ANKFY1: variants seen among roughly 807,000 people sequenced by gnomAD.
ANKFY1 encodes ankyrin repeat and FYVE domain containing 1, also known as ankyrin repeat and FYVE domain-containing protein 1.
Under a neutral mutation model 128.3 loss-of-function variants are expected in ANKFY1, and 47 were observed. The ratio of observed to expected loss-of-function variants is 0.37; its 90% CI spans 0.29 to 0.47. The LOEUF (loss-of-function observed/expected upper bound fraction) is 0.47. Ranked by LOEUF, ANKFY1 falls within the 20% of genes least tolerant of loss-of-function variation. The pLI, the probability that ANKFY1 is intolerant of heterozygous loss-of-function variation, is 1.00. For synonymous variants in ANKFY1, 553 were observed against 601.6 expected (o/e 0.92, Z 1.18); for missense variants, 1,222 against 1,510.6 (o/e 0.81, Z 3.17).
intron 2 of ANKFY1, among the ~76,000 whole-genome samples, chr17:4,239,319 G>A (rs1473036257): frequency 6.6e-6 from 1 of 152,128 alleles, no homozygotes; most frequent in Admixed American, 6.5e-5. Flanking sequence ...GCTTCCCTGG[G>A]CCAGTAAGAA....
At chr17:4,207,823 C>T (rs1045567039) in intron 6 of ANKFY1, 110 bp downstream of exon 6, 3 of 1,109,780 alleles carry the variant, frequency 2.7e-6, no homozygotes, top group Admixed American at 5.8e-5. Context: ...GAAATCCGTA[C>T]GTTAAAGACT....
At chr17:4,198,376 AT>A (rs777969741) in intron 7 of ANKFY1, among the ~76,000 whole-genome samples, 119 of 143,410 alleles carry the variant, frequency 8.3e-4, no homozygotes, top group South Asian at 2.4e-3. Context: ...TTCTTTTTAG[AT>A]TTTTTTTTTT....
At chr17:4,209,313 G>T (rs183266919) in intron 5 of ANKFY1, among the ~76,000 whole-genome samples, 1 of 152,152 alleles carries the variant, frequency 6.6e-6, no homozygotes, top group East Asian at 1.9e-4. Context: ...TTTTTTGGGG[G>T]GGCGGGAGAC....
intron 8 of ANKFY1, among the ~76,000 whole-genome samples, chr17:4,195,840 T>A (rs990489796): frequency 1.3e-5 from 2 of 151,866 alleles, no homozygotes; most frequent in Non-Finnish European, 2.9e-5. Flanking sequence ...TCCCCCATAA[T>A]CTTCTATTCT....
At chr17:4,222,189 C>T (rs1480147457) in intron 3 of ANKFY1, 2 of 164,942 alleles carry the variant, frequency 1.2e-5, no homozygotes, top group African/African-American at 4.9e-5. Context: ...TGCTGCTACC[C>T]CTGCTGCCCG....
intron 19 of ANKFY1, among the ~76,000 whole-genome samples, chr17:4,174,400 A>T (rs2059377107): frequency 6.6e-6 from 1 of 152,192 alleles, no homozygotes; most frequent in Admixed American, 6.5e-5. Flanking sequence ...GAAAGCCTGA[A>T]GGCAAAGGGG....
rs76861806 is a variant in ANKFY1, at chr17:4,179,083, T to C, written c.2398-26A>G. The C allele has an allele frequency of 9.3e-4, 1,490 of 1,609,650 alleles. 11 individuals are homozygous for C. The African/African-American group carries it at 0.018, about 19-fold the overall frequency. On this transcript the variant is annotated intron_variant, in intron 17 of 24. Transcript: ENST00000341657. ...CTATGGAACAAGGCACAGAATTTAA[T>C]GTTCAATTGCAAGATAAAACTCAGG...
Position 4,197,398 on chromosome 17 carries a change from G to C in ANKFY1, c.1078C>G (p.Pro360Ala). 2 of 1,614,144 alleles carry C rather than the reference G, an allele frequency of 1.2e-6. No individual in the cohort carries two copies. Among genetic ancestry groups the C allele is most frequent in the Non-Finnish European group, 8.5e-7 (1 of 1,180,026 alleles). ...CTCCCCTTGCTGTCCTGCATGTTGG[G>C]GTTGGCACCAGCCTGCAGAAGGGCC... is the stretch of plus-strand genomic sequence containing the variant. ...AEALLQAGAN[P>A]NMQDSKGRTP... Residue 360 changes from proline (P) to alanine (A), a missense_variant, in exon 8 of 25, where the codon CCC becomes GCC. By Grantham distance (27) the Pro-to-Ala change is conservative. Coordinates refer to ENST00000341657, the MANE Select transcript of ANKFY1 (RefSeq NM_001330063.2).
chr17:4,199,531 A>G (rs2059888945), intron 7 of ANKFY1, among the ~76,000 whole-genome samples: 1 of 152,162 alleles, frequency 6.6e-6, no homozygotes, highest in Non-Finnish European at 1.5e-5. Context: ...ACCATCTTTG[A>G]CTATTTATGC....
intron 3 of ANKFY1, among the ~76,000 whole-genome samples, chr17:4,230,525 TATA>T (rs2060497142): frequency 6.6e-6 from 1 of 152,222 alleles, no homozygotes. Flanking sequence ...AAGAAGTAAA[TATA>T]ATACTTTCCT....
intron 1 of ANKFY1, among the ~76,000 whole-genome samples, chr17:4,258,430 T>A (rs956965678): frequency 1.3e-5 from 2 of 148,984 alleles, no homozygotes; most frequent in Non-Finnish European, 3.0e-5. Context: ...GAGGCTGAGA[T>A]AGGAGAATGG....
chr17:4,193,817 T>C (rs2059762692), intron 10 of ANKFY1, among the ~76,000 whole-genome samples: 1 of 151,484 alleles, frequency 6.6e-6, no homozygotes, highest in Non-Finnish European at 1.5e-5. Context: ...TGGAGTGCAG[T>C]GACGCGATCT....
intron 1 of ANKFY1, among the ~76,000 whole-genome samples, chr17:4,255,828 T>C (rs1269271634): frequency 6.6e-6 from 1 of 151,958 alleles, no homozygotes; most frequent in Non-Finnish European, 1.5e-5. Context: ...TTTTTTTTTT[T>C]TCTTTTGAAA....
At chr17:4,259,062 C>T (rs879328343) in intron 1 of ANKFY1, among the ~76,000 whole-genome samples, 1 of 152,156 alleles carries the variant, frequency 6.6e-6, no homozygotes, top group South Asian at 2.1e-4. Context: ...AAGCATCAGT[C>T]GCTGTGGAAG....
At chr17:4,186,834 C>T in intron 11 of ANKFY1, 9 of 999,090 alleles carry the variant, frequency 9.0e-6, no homozygotes, top group Non-Finnish European at 1.1e-5. Context: ...GACTCTCAAA[C>T]CCAGGTCTCC....
Position 4,242,258 on chromosome 17 carries a change from G to C in ANKFY1, c.201C>G (p.Tyr67Ter). The C allele has an allele frequency of 6.3e-7, 1 of 1,574,834 alleles. No individual in the cohort carries two copies. Among genetic ancestry groups the C allele is most frequent in the Non-Finnish European group, 8.6e-7 (1 of 1,165,548 alleles). ...IVADLYEQEQ[Y>*]SDLKIKVGDR... ...TCTGTGTCTAGGAGCTCTCCCACCT[G>C]TACTGCTCCTGCTCGTAGAGGTCTG... The change falls in exon 2 of 25, where the codon TAC (tyrosine) becomes TAG (stop). Residue 67 changes from tyrosine (Y) to a stop codon, truncating the protein, a stop_gained and splice_region_variant. Transcript: ENST00000341657. LOFTEE classifies it high-confidence loss of function.
intron 1 of ANKFY1, among the ~76,000 whole-genome samples, chr17:4,243,062 T>TTTTG (rs951567261): frequency 6.6e-6 from 1 of 150,538 alleles, no homozygotes; most frequent in African/African-American, 2.5e-5. Flanking sequence ...TTTTTTTGTT[T>TTTTG]TTTGTTTGTT....
intron 1 of ANKFY1, among the ~76,000 whole-genome samples, chr17:4,260,960 T>C (rs1014149674): frequency 6.6e-6 from 1 of 152,204 alleles, no homozygotes; most frequent in Non-Finnish European, 1.5e-5. Context: ...TTATTTATAT[T>C]TAAATAACTG....
At chr17:4,223,635 A>G (rs1267846649) in intron 3 of ANKFY1, 15 of 1,535,672 alleles carry the variant, frequency 9.8e-6, no homozygotes, top group Non-Finnish European at 1.3e-5. Flanking sequence ...CAGACGCCCT[A>G]CATGGACACT....
Sources: allele counts gnomAD v4.1 joint callset (sites outside exome capture counted in the v4.1 genomes callset), GRCh38; gene constraint gnomAD v4.1.1; transcripts MANE v1.5; gene names NCBI Gene and HGNC (gene_info 2026-07-23, HGNC 2026-07-21).